NOS2: variants seen among roughly 807,000 people sequenced by gnomAD.
NOS2 encodes nitric oxide synthase, inducible.
NOS2 carries 96 observed loss-of-function variants against 136.0 expected under a neutral mutation model. That is an observed-to-expected ratio of 0.71 (90% CI 0.60 to 0.84). The LOEUF is 0.84. Among genes scored for constraint, NOS2 ranks in the 40% least tolerant of loss-of-function variants. The pLI is 0.00. For synonymous variants in NOS2, 539 were observed against 587.5 expected, an observed-to-expected ratio of 0.92 and a Z score of 1.20; for missense variants, 1,237 against 1,496.9, an observed-to-expected ratio of 0.83 and a Z score of 2.87.
rs1161839586 is a variant in NOS2 at position 27,789,632 on chromosome 17, G to T, written c.167C>A (p.Ser56Tyr). The T allele has an allele frequency of 6.2e-7, 1 of 1,614,048 alleles. No homozygotes were observed. Among genetic ancestry groups the T allele is most frequent in the South Asian group, 1.1e-5 (1 of 91,076 alleles). ...TCCCGTCTCCACGAGGGGCTGCGGG[G>T]ACTCATTCTGCTGCTTGCTGAGGTT... Reference protein sequence around the residue: ...YHNLSKQQNESPQPLVETGKK... With the variant: ...YHNLSKQQNEYPQPLVETGKK... The change falls in exon 3 of 27, where the codon TCC becomes TAC. Residue 56 changes from serine to tyrosine, a missense_variant. Ser to Tyr is a moderately radical substitution (Grantham distance 144). This residue lies in a region of NOS2 where 440 missense variants were observed against 545.4 expected (regional missense o/e 0.81). Coordinates refer to ENST00000313735, the MANE Select transcript of NOS2 (RefSeq NM_000625.4).
chr17:27,772,301 C>G lies in NOS2; in HGVS notation c.1704+7G>C. 6.2e-7 allele frequency: 1 copy of G among 1,614,128 alleles called. No individual in the cohort carries two copies. The highest frequency in any genetic ancestry group is 1.1e-5 in the South Asian group (1 of 91,084). On this transcript the variant is annotated splice_region_variant and intron_variant, in intron 14 of 26. Transcript: ENST00000313735. ...AAAAAACAACAGCCATCCCACTGAG[C>G]CAGTACCTTGGGGTTGAAGGCACAG...
rs781201236 is a variant in NOS2 at position 27,765,592 on chromosome 17, C to G, written c.2371G>C (p.Val791Leu). 1 of 1,612,382 alleles carries G rather than the reference C, an allele frequency of 6.2e-7. No homozygotes were observed. Among genetic ancestry groups the G allele is most frequent in the Non-Finnish European group, 8.5e-7 (1 of 1,179,872 alleles). The change falls in exon 20 of 27, where the codon GTG (valine) becomes CTG (leucine). Residue 791 changes from valine (V) to leucine (L), a missense_variant. By Grantham distance (32) the Val-to-Leu change is conservative (BLOSUM62 1). Coordinates refer to ENST00000313735, the MANE Select transcript of NOS2 (RefSeq NM_000625.4). ...TGGTGGGGTGTGGGGCCATCCACCA[C>G]TCGCTCCAGGATACCTTGGACCAGG... ...PALVQGILER[V>L]VDGPTPHQTV... is the part of the protein sequence containing the mutation.
At chr17:27,758,010 C>A (rs1373218357) in intron 26 of NOS2, among the ~76,000 whole-genome samples, 7 of 152,166 alleles carry the variant, frequency 4.6e-5, no homozygotes, top group Non-Finnish European at 7.3e-5. Context: ...CCTTCCCTGG[C>A]CACCCTATTT....
intron 2 of NOS2, among the ~76,000 whole-genome samples, chr17:27,792,268 C>CTGTGTG (rs28998824): frequency 1.1e-4 from 17 of 151,294 alleles, no homozygotes; most frequent in African/African-American, 3.4e-4. Context: ...CTGATGCTGG[C>CTGTGTG]TGTGTGTGTG....
Position 27,757,339 on chromosome 17 carries a change from A to G in NOS2, c.3369T>C (p.Tyr1123=). The G allele has an allele frequency of 6.2e-7, 1 of 1,614,036 alleles. No homozygotes were observed. Among genetic ancestry groups the G allele is most frequent in the South Asian group, 1.1e-5 (1 of 91,046 alleles). ...YFFQLKSQKR[Y]HEDIFGAVFP... ...ATACAGCACCAAAGATATCTTCGTG[A>G]TAGCGCTTCTGGCTCTTTTAGGTAA... The change falls in exon 27 of 27, where the codon TAT becomes TAC. Residue 1123 remains tyrosine, a synonymous_variant. Coordinates refer to ENST00000313735, the MANE Select transcript of NOS2 (RefSeq NM_000625.4).
At chr17:27,784,770 A>G (rs1014466569) in intron 5 of NOS2, among the ~76,000 whole-genome samples, 8 of 152,296 alleles carry the variant, frequency 5.3e-5, no homozygotes, top group East Asian at 1.9e-4. Context: ...TTCAGATACA[A>G]AAGGCCACTG....
chr17:27,785,957 C>CAA lies in NOS2; in HGVS notation c.467+1719_467+1720dup, dbSNP rs1170004221. Among the ~76,000 whole-genome samples, 193 of 39,756 alleles carry CAA rather than the reference C, an allele frequency of 4.9e-3. 5 individuals carry two copies. Among genetic ancestry groups the CAA allele is most frequent in the African/African-American group, 0.013 (135 of 10,036 alleles). 26.1% of individuals were successfully genotyped at this position (39,756 alleles called of 152,430 possible). ...TGGGAGACAGAGCAAGACCGAGTCTCAAAAAAAAAAAAAAAAAAAAAAAAA... is the reference window on the plus strand; with the variant it reads ...TGGGAGACAGAGCAAGACCGAGTCTCAAAAAAAAAAAAAAAAAAAAAAAAAAA... On this transcript the variant is annotated intron_variant, in intron 5 of 26. Coordinates refer to ENST00000313735, the MANE Select transcript of NOS2 (RefSeq NM_000625.4).
chr17:27,774,344 C>A lies in NOS2; in HGVS notation c.1389G>T (p.Trp463Cys), dbSNP rs1468379878. Residue 463 changes from tryptophan (W) to cysteine (C), a missense_variant, in exon 12 of 27, where the codon TGG (tryptophan) becomes TGT (cysteine). By Grantham distance (215) the Trp-to-Cys change is radical. Around this residue, in one of 3 missense-constraint regions of NOS2, gnomAD observed 782 missense variants for 909.9 expected, o/e 0.86. Transcript: ENST00000313735. The part of the protein sequence containing the change: ...SRGGCPADWI[W>C]LVPPMSGSIT... ...TGCTCCCAGACATGGGAGGGACCAG[C>A]CAAATCCAGTCTGCCGGGCAGCCCC... 4.4e-6 allele frequency: 7 copies of A among 1,587,026 alleles called. No homozygotes were observed. Among genetic ancestry groups the A allele is most frequent in the Non-Finnish European group, 5.1e-6 (6 of 1,166,724 alleles).
At chr17:27,797,579 T>C (rs3794767) in intron 2 of NOS2, among the ~76,000 whole-genome samples, 107,031 of 152,210 alleles carry the variant, frequency 0.7, 38,103 homozygotes, top group African/African-American at 0.81. Flanking sequence ...CGTCATGCTG[T>C]ACACATCCAG....
chr17:27,799,371 A>G (rs1909458565), intron 1 of NOS2, among the ~76,000 whole-genome samples: 1 of 152,222 alleles, frequency 6.6e-6, no homozygotes, highest in African/African-American at 2.4e-5. Flanking sequence ...AAGATTTTGC[A>G]GTTGTTGTTC....
intron 2 of NOS2, among the ~76,000 whole-genome samples, chr17:27,794,916 T>C (rs1236154729): frequency 6.6e-6 from 1 of 152,224 alleles, no homozygotes; most frequent in African/African-American, 2.4e-5. Flanking sequence ...GGCTGCTTCC[T>C]CTTCCAGTAA....
At chr17:27,775,657 A>C (rs1244559238) in intron 11 of NOS2, among the ~76,000 whole-genome samples, 1 of 152,096 alleles carries the variant, frequency 6.6e-6, no homozygotes, top group Non-Finnish European at 1.5e-5. Context: ...GGCACATGCC[A>C]GTGTTCTCAG....
chr17:27,778,937 C>T lies in NOS2; in HGVS notation c.1124G>A (p.Gly375Asp). ...PGCPFNGWYM[G>D]TEIGVRDFCD... ...GAAGTCCCGGACTCCGATCTCTGTGCCCATGTACCAGCCATTGAAGGGGCA... is the reference window on the plus strand; with the variant it reads ...GAAGTCCCGGACTCCGATCTCTGTGTCCATGTACCAGCCATTGAAGGGGCA... The change falls in exon 10 of 27, where the codon GGC becomes GAC. Residue 375 changes from glycine (G) to aspartate (D), a missense_variant. Gly to Asp is a moderately conservative substitution (Grantham distance 94, BLOSUM62 -1). Transcript: ENST00000313735. 6.2e-7 allele frequency: 1 copy of T among 1,612,518 alleles called. No individual in the cohort carries two copies. Among genetic ancestry groups the T allele is most frequent in the South Asian group, 1.1e-5 (1 of 90,940 alleles).
chr17:27,795,070 A>T (rs758757526), intron 2 of NOS2, among the ~76,000 whole-genome samples: 30 of 151,226 alleles, frequency 2.0e-4, no homozygotes, highest in Non-Finnish European at 3.5e-4. Context: ...GTACACCCAC[A>T]ACTACGACCT....
At chr17:27,758,399 C>A (rs1411954139) in intron 26 of NOS2, among the ~76,000 whole-genome samples, 6 of 152,148 alleles carry the variant, frequency 3.9e-5, no homozygotes, top group Non-Finnish European at 7.3e-5. Flanking sequence ...AAGCAGTATG[C>A]CCAGTGTAAG....
At chr17:27,794,163 T>C (rs893219878) in intron 2 of NOS2, among the ~76,000 whole-genome samples, 1 of 152,140 alleles carries the variant, frequency 6.6e-6, no homozygotes, top group Non-Finnish European at 1.5e-5. Context: ...TTAAGGATCT[T>C]GTCCAGGGCC....
Position 27,779,010 on chromosome 17 carries a change from C to T in NOS2, c.1051G>A (p.Ala351Thr). 1 of 1,607,052 alleles carries T rather than the reference C, an allele frequency of 6.2e-7. No individual in the cohort carries two copies. Among genetic ancestry groups the T allele is most frequent in the Non-Finnish European group, 8.5e-7 (1 of 1,175,648 alleles). ...ELELKWYALP[A>T]VANMLLEVGG... ...ACCTCAAGCAGCATGTTGGCCACTG[C>T]AGGCAGGGCGTACCACTTTAGCTCC... Residue 351 changes from alanine to threonine, a missense_variant, in exon 10 of 27, where the codon GCA (alanine) becomes ACA (threonine). By Grantham distance (58) the Ala-to-Thr change is moderately conservative. This residue lies in a region of NOS2 where 440 missense variants were observed against 545.4 expected (regional missense o/e 0.81). Transcript: ENST00000313735.
At chr17:27,798,387 G>T (rs1340393113) in intron 2 of NOS2, among the ~76,000 whole-genome samples, 10 of 150,954 alleles carry the variant, frequency 6.6e-5, no homozygotes, top group African/African-American at 2.4e-4. Flanking sequence ...CTCCGCCATG[G>T]TGCCCACCAC....
chr17:27,773,822 C>A (rs1280531727), intron 12 of NOS2, among the ~76,000 whole-genome samples: 1 of 152,244 alleles, frequency 6.6e-6, no homozygotes, highest in Non-Finnish European at 1.5e-5. Flanking sequence ...GTGATCCACA[C>A]AACCCCCCGT....
Sources: allele counts gnomAD v4.1 joint callset (sites outside exome capture counted in the v4.1 genomes callset), GRCh38; gene constraint gnomAD v4.1.1; regional missense constraint gnomAD v4.1.1; transcripts MANE v1.5; gene names NCBI Gene and HGNC (gene_info 2026-07-23, HGNC 2026-07-21).